CNDP1: variants seen among roughly 807,000 people sequenced by gnomAD.
CNDP1 encodes the protein beta-Ala-His dipeptidase.
A neutral mutation model predicts 58.1 loss-of-function variants in CNDP1; 44 were observed. The ratio of observed to expected loss-of-function variants is 0.76; its 90% CI spans 0.60 to 0.97. The LOEUF (loss-of-function observed/expected upper bound fraction) is 0.97. CNDP1 is among the 50% of genes least tolerant of loss of function. CNDP1 has a pLI of 0.00. For missense variants in CNDP1, 616 were observed against 655.1 expected, an observed-to-expected ratio of 0.94 and a Z score of 0.65; for synonymous variants, 254 against 252.6, an observed-to-expected ratio of 1.01 and a Z score of -0.05.
At chr18:74,579,130 C>T (rs1324084865) in intron 9 of CNDP1, among the ~76,000 whole-genome samples, 1 of 150,580 alleles carries the variant, frequency 6.6e-6, no homozygotes, top group African/African-American at 2.4e-5. Context: ...TTCCTTCCTT[C>T]CTTCCCTGCC....
At chr18:74,554,707 G>T (rs779439177) in intron 1 of CNDP1, among the ~76,000 whole-genome samples, 1 of 152,094 alleles carries the variant, frequency 6.6e-6, no homozygotes, top group Non-Finnish European at 1.5e-5. Context: ...GAAGCAGGTG[G>T]GCTCCACCAT....
At chr18:74,554,660 T>C (rs944161869) in intron 1 of CNDP1, among the ~76,000 whole-genome samples, 17 of 152,066 alleles carry the variant, frequency 1.1e-4, no homozygotes, top group African/African-American at 3.9e-4. Flanking sequence ...GGAGGGGCCC[T>C]GCATGGTACC....
chr18:74,582,519 C>T (rs1251070601), intron 10 of CNDP1, among the ~76,000 whole-genome samples: 4 of 152,230 alleles, frequency 2.6e-5, no homozygotes, highest in East Asian at 1.9e-4. Flanking sequence ...AGAAGTCCCA[C>T]TTCCATAATA....
intron 1 of CNDP1, 112 bp from the exon 2 acceptor site, chr18:74,556,226 T>G: frequency 8.4e-7 from 1 of 1,185,144 alleles, no homozygotes; most frequent in South Asian, 1.5e-5. Context: ...TTATTCCGAC[T>G]GACTGGAGGC....
chr18:74,570,725 T>G (rs1340301530), intron 6 of CNDP1, among the ~76,000 whole-genome samples: 1 of 151,840 alleles, frequency 6.6e-6, no homozygotes, highest in Non-Finnish European at 1.5e-5. Context: ...GCTTTAGAGG[T>G]GGAGGAAGAA....
rs1036507902 is a variant in CNDP1, at chr18:74,584,849, C to T, written c.*287C>T. 9 of 380,928 alleles carry T rather than the reference C, an allele frequency of 2.4e-5. No individual in the cohort carries two copies. Among genetic ancestry groups the T allele is most frequent in the Non-Finnish European group, 3.3e-5 (7 of 209,332 alleles). The allele number at this position is 380,928 out of a possible 1,614,324, so 23.6% of individuals were successfully genotyped here. A position where few individuals can be genotyped will look rare whatever the true frequency, so the allele number is the denominator to read the frequency against. ...CAATAGCCCCAGGATTGGATTCCTT[C>T]AAACCTTTTAGCATATCTCCAACCT... On this transcript the variant is annotated 3_prime_UTR_variant, in exon 12 of 12. Transcript: ENST00000358821.
chr18:74,569,492 T>G (rs1333913932), intron 6 of CNDP1, among the ~76,000 whole-genome samples: 1 of 152,198 alleles, frequency 6.6e-6, no homozygotes, highest in Non-Finnish European at 1.5e-5. Flanking sequence ...GAAGGCACCG[T>G]AAGCATTCCA....
chr18:74,582,771 C>A (rs1484844564), intron 10 of CNDP1, among the ~76,000 whole-genome samples: 3 of 152,078 alleles, frequency 2.0e-5, no homozygotes. Flanking sequence ...TGGATCAGAT[C>A]CTGGAAGGGA....
Position 74,559,347 on chromosome 18 carries a change from G to A in CNDP1, c.178G>A (p.Glu60Lys), listed in dbSNP as rs767195643. The A allele has an allele frequency of 2.5e-5, 41 of 1,613,926 alleles. No homozygotes were observed. In the East Asian group the frequency reaches 5.3e-4, roughly 21 times the overall value. The change falls in exon 3 of 12, where the codon GAG (glutamate) becomes AAG (lysine). Residue 60 changes from glutamate to lysine, a missense_variant. By Grantham distance (56) the Glu-to-Lys change is moderately conservative (BLOSUM62 1). Transcript: ENST00000358821. ...GACGCTGAAGGAGTGGGTGGCCATC[G>A]AGAGCGACTCTGTCCAGCCTGTGCC... ...VQTLKEWVAI[E>K]SDSVQPVPRF...
intron 1 of CNDP1, among the ~76,000 whole-genome samples, chr18:74,550,287 A>G (rs1240251219): frequency 6.6e-6 from 1 of 152,234 alleles, no homozygotes; most frequent in Non-Finnish European, 1.5e-5. Context: ...GATGTGGGAC[A>G]TGGAGTCAAA....
intron 8 of CNDP1, chr18:74,577,332 T>C (rs1981660355): frequency 1.4e-5 from 3 of 211,084 alleles, no homozygotes; most frequent in African/African-American, 2.3e-5. Context: ...CTTCAGCCAG[T>C]GAGCTGGACT....
At chr18:74,556,174 G>A (rs564567663) in intron 1 of CNDP1, among the ~76,000 whole-genome samples, 164 bp from the exon 2 acceptor site, 56 of 152,304 alleles carry the variant, frequency 3.7e-4, no homozygotes, top group Non-Finnish European at 6.6e-4. Context: ...GGGGAAGGAC[G>A]TAGCAAAAAA....
Position 74,580,176 on chromosome 18 carries a change from A to C in CNDP1, c.1214A>C (p.Asn405Thr). 6.2e-7 allele frequency: 1 copy of C among 1,614,030 alleles called. No individual in the cohort carries two copies. Among genetic ancestry groups the C allele is most frequent in the Non-Finnish European group, 8.5e-7 (1 of 1,179,894 alleles). ...GTGTTCTCCAAAAGAAATAGTTCCA[A>C]CAAGATGGTTGTTTCCATGACTCTA... Reference protein sequence around the residue: ...EDVFSKRNSSNKMVVSMTLGL... With the variant: ...EDVFSKRNSSTKMVVSMTLGL... Residue 405 changes from asparagine (N) to threonine (T), a missense_variant, in exon 10 of 12, where the codon AAC (asparagine) becomes ACC (threonine). Coordinates refer to ENST00000358821, the MANE Select transcript of CNDP1 (RefSeq NM_032649.6).
chr18:74,567,428 G>A lies in CNDP1; in HGVS notation c.751G>A (p.Val251Met). 2 of 1,613,626 alleles carry A rather than the reference G, an allele frequency of 1.2e-6. No homozygotes were observed. The highest frequency in any genetic ancestry group is 1.7e-6 in the Non-Finnish European group (2 of 1,179,552). Residue 251 changes from valine to methionine, a missense_variant, in exon 6 of 12, where the codon GTG (valine) becomes ATG (methionine). Coordinates refer to ENST00000358821, the MANE Select transcript of CNDP1 (RefSeq NM_032649.6). Reference protein sequence around the residue: ...YGTRGNSYFMVEVKCRDQDFH... With the variant: ...YGTRGNSYFMMEVKCRDQDFH... ...AACCCGGGGGAACAGCTACTTCATG[G>A]TGGAGGTATCCACAGAGAGCAGTGC...
intron 11 of CNDP1, 78 bp downstream of exon 11, chr18:74,583,786 C>T: frequency 7.2e-7 from 1 of 1,389,446 alleles, no homozygotes; most frequent in Admixed American, 1.7e-5. Context: ...GGGTGAGCTC[C>T]TGTTCAATTT....
At chr18:74,536,306 A>G (rs1007989602) in intron 1 of CNDP1, among the ~76,000 whole-genome samples, 1 of 152,096 alleles carries the variant, frequency 6.6e-6, no homozygotes, top group African/African-American at 2.4e-5. Context: ...TCCTCCACCC[A>G]TAGGCCCCAG....
intron 1 of CNDP1, among the ~76,000 whole-genome samples, chr18:74,544,643 C>T (rs1334092922): frequency 2.8e-5 from 4 of 141,970 alleles, no homozygotes; most frequent in Admixed American, 7.6e-5. Context: ...CACTTGAACC[C>T]GGGAGGTGGA....
At chr18:74,538,113 C>G in intron 1 of CNDP1, among the ~76,000 whole-genome samples, 1 of 152,184 alleles carries the variant, frequency 6.6e-6, no homozygotes, top group Non-Finnish European at 1.5e-5. Context: ...ACATGTGCAA[C>G]CATCACCACC....
intron 1 of CNDP1, among the ~76,000 whole-genome samples, chr18:74,554,880 G>A (rs1980996374): frequency 6.6e-6 from 1 of 152,196 alleles, no homozygotes; most frequent in Non-Finnish European, 1.5e-5. Flanking sequence ...ATGACAGAAT[G>A]AAAAGTGAAA....
Sources: allele counts gnomAD v4.1 joint callset (sites outside exome capture counted in the v4.1 genomes callset), GRCh38; gene constraint gnomAD v4.1.1; transcripts MANE v1.5; gene names NCBI Gene and HGNC (gene_info 2026-07-23, HGNC 2026-07-21).